EPC2: variants seen among roughly 807,000 people sequenced by gnomAD.
The protein encoded by EPC2 is enhancer of polycomb 2, also known as enhancer of polycomb homolog 2.
EPC2 carries 14 observed loss-of-function variants against 92.1 expected under a neutral mutation model. That is an observed-to-expected ratio of 0.15 (90% confidence interval 0.10 to 0.24). The LOEUF is 0.24. Ranked by LOEUF, EPC2 falls within the 10% of genes least tolerant of loss-of-function variation. EPC2 has a pLI of 1.00. For synonymous variants in EPC2, 340 were observed against 334.7 expected, an observed-to-expected ratio of 1.02 and a Z score of -0.17; for missense variants, 755 against 971.5, an observed-to-expected ratio of 0.78 and a Z score of 2.96.
At chr2:148,653,054 C>T (rs1193168865) in intron 1 of EPC2, among the ~76,000 whole-genome samples, 2 of 152,024 alleles carry the variant, frequency 1.3e-5, no homozygotes, top group African/African-American at 2.4e-5. Context: ...AGCATGTGCA[C>T]GAGAGAGAGT....
chr2:148,669,366 T>C (rs1681111649), intron 1 of EPC2, among the ~76,000 whole-genome samples: 1 of 152,170 alleles, frequency 6.6e-6, no homozygotes, highest in Non-Finnish European at 1.5e-5. Context: ...TTGAGCTTTG[T>C]TCTGGGATGC....
At chr2:148,702,570 A>G (rs986614713) in intron 2 of EPC2, among the ~76,000 whole-genome samples, 1 of 152,218 alleles carries the variant, frequency 6.6e-6, no homozygotes, top group South Asian at 2.1e-4. Flanking sequence ...TCTTTTGGGC[A>G]TATACCCAGA....
chr2:148,645,120 A>G lies in EPC2; in HGVS notation c.103A>G (p.Asn35Asp). ...MPDLNDCVSI[N>D]RAVPQMPTGM... The stretch of plus-strand genomic sequence containing the variant: ...TGATCTCAACGACTGCGTCTCCATC[A>G]ACCGGGCCGTGCCCCAGATGCCCAC... The change falls in exon 1 of 14, where the codon AAC (asparagine) becomes GAC (aspartate). Residue 35 changes from asparagine (N) to aspartate (D), a missense_variant. Coordinates refer to ENST00000258484, the MANE Select transcript of EPC2 (RefSeq NM_015630.4). 1 of 1,608,608 alleles carries G rather than the reference A, an allele frequency of 6.2e-7. No homozygotes were observed. The highest frequency in any genetic ancestry group is 8.5e-7 in the Non-Finnish European group (1 of 1,177,574).
chr2:148,650,669 C>G (rs1645062885), intron 1 of EPC2, among the ~76,000 whole-genome samples: 1 of 152,084 alleles, frequency 6.6e-6, no homozygotes, highest in Non-Finnish European at 1.5e-5. Flanking sequence ...TGAATTGATA[C>G]AGTAGGAATA....
chr2:148,781,527 ATTGTAAT>A, intron 10 of EPC2, 110 bp from the exon 11 acceptor site: 1 of 955,108 alleles, frequency 1.0e-6, no homozygotes, highest in Non-Finnish European at 1.5e-6. Flanking sequence ...GATATTCCAT[ATTGTAAT>A]TTGTAATTGC....
At chr2:148,746,495 AT>A (rs1682986389) in intron 3 of EPC2, among the ~76,000 whole-genome samples, 1 of 152,150 alleles carries the variant, frequency 6.6e-6, no homozygotes, top group Non-Finnish European at 1.5e-5. Context: ...TGACAAACCC[AT>A]GAATTGAATG....
rs992664543 is a variant in EPC2, at chr2:148,644,956, T to TCCCCC, written c.-59_-55dup. 4 of 1,392,190 alleles carry TCCCCC rather than the reference T, an allele frequency of 2.9e-6. No homozygotes were observed. Among genetic ancestry groups the TCCCCC allele is most frequent in the Non-Finnish European group, 4.0e-6 (4 of 1,012,508 alleles). 86.2% of individuals were successfully genotyped at this position (1,392,190 alleles called of 1,614,324 possible). A position where few individuals can be genotyped will look rare whatever the true frequency, so the allele number is the denominator to read the frequency against. On this transcript the variant is annotated 5_prime_UTR_variant, in exon 1 of 14. Transcript: ENST00000258484. ...GAGGTGGAGGAGGCGGCGGGAGTCCTCCCCCCCTCCCCGCCCGCCCCGCCG... is the reference window on the plus strand; with the variant it reads ...GAGGTGGAGGAGGCGGCGGGAGTCCTCCCCCCCCCCCCTCCCCGCCCGCCCCGCCG...
At chr2:148,757,396 T>A (rs750479961) in intron 4 of EPC2, among the ~76,000 whole-genome samples, 1 of 151,578 alleles carries the variant, frequency 6.6e-6, no homozygotes, top group African/African-American at 2.4e-5. Flanking sequence ...ATATATATAT[T>A]GATATAGTTA....
chr2:148,652,577 TTTA>T (rs1247642770), intron 1 of EPC2, among the ~76,000 whole-genome samples: 3 of 152,192 alleles, frequency 2.0e-5, no homozygotes, highest in Non-Finnish European at 4.4e-5. Context: ...CTGAGTGACC[TTTA>T]AAGTACCTTT....
chr2:148,680,382 C>T (rs890583295), intron 1 of EPC2, among the ~76,000 whole-genome samples: 1 of 152,164 alleles, frequency 6.6e-6, no homozygotes, highest in Non-Finnish European at 1.5e-5. Context: ...CAACAGTTCT[C>T]AATAACAGGA....
chr2:148,691,447 C>A lies in EPC2; in HGVS notation c.313+1074C>A, dbSNP rs1186440069. The A allele has an allele frequency of 7.7e-6, 11 of 1,425,770 alleles. No individual in the cohort carries two copies. The Admixed American group carries it at 1.8e-4, about 23-fold the overall frequency. The allele number at this position is 1,425,770 out of a possible 1,614,324, so 88.3% of individuals were successfully genotyped here. A position where few individuals can be genotyped will look rare whatever the true frequency, so the allele number is the denominator to read the frequency against. On this transcript the variant is annotated intron_variant, in intron 2 of 13. Transcript: ENST00000258484. ...TGGTGATTTGTATTTTTAAAGAGTT[C>A]CCTGTGTGATTCTGAAACATCACCA... is the stretch of plus-strand genomic sequence containing the variant.
intron 1 of EPC2, among the ~76,000 whole-genome samples, chr2:148,681,656 G>A (rs1359809616): frequency 6.6e-6 from 1 of 151,968 alleles, no homozygotes. Flanking sequence ...TGACCTATTA[G>A]TGGGTGCAGT....
At chr2:148,757,269 G>A (rs193133644) in intron 4 of EPC2, among the ~76,000 whole-genome samples, 54 of 152,182 alleles carry the variant, frequency 3.5e-4, no homozygotes, top group African/African-American at 1.2e-3. Context: ...CCAGCTGCTC[G>A]GGAGGCTGAG....
intron 1 of EPC2, among the ~76,000 whole-genome samples, chr2:148,680,274 T>G (rs1269204282): frequency 6.6e-6 from 1 of 152,174 alleles, no homozygotes; most frequent in Non-Finnish European, 1.5e-5. Context: ...TTTGACTAGT[T>G]GAGATTGGAC....
At chr2:148,741,981 T>C (rs929032227) in intron 2 of EPC2, among the ~76,000 whole-genome samples, 4 of 152,336 alleles carry the variant, frequency 2.6e-5, no homozygotes, top group Non-Finnish European at 5.9e-5. Context: ...ATTAGTGCGC[T>C]ATATATACTA....
At chr2:148,671,286 G>GTTTTTTTTTTT (rs369058386) in intron 1 of EPC2, among the ~76,000 whole-genome samples, 3 of 130,652 alleles carry the variant, frequency 2.3e-5, no homozygotes, top group African/African-American at 9.1e-5. Flanking sequence ...TGTGGATTGT[G>GTTTTTTTTTTT]ATTTTTTTTT....
chr2:148,742,986 A>C (rs1682907869), intron 2 of EPC2, among the ~76,000 whole-genome samples: 1 of 152,108 alleles, frequency 6.6e-6, no homozygotes. Flanking sequence ...AGAAATTTAA[A>C]AAGTTTATAT....
chr2:148,727,204 G>A (rs1228655690), intron 2 of EPC2, among the ~76,000 whole-genome samples: 1 of 152,144 alleles, frequency 6.6e-6, no homozygotes, highest in Admixed American at 6.5e-5. Context: ...TTCCCATTGT[G>A]TAGTCTTGGT....
At chr2:148,753,636 C>G (rs1169531241) in intron 3 of EPC2, among the ~76,000 whole-genome samples, 1 of 152,126 alleles carries the variant, frequency 6.6e-6, no homozygotes. Context: ...TAGTCCAAGA[C>G]TTGCCTGAGG....
Sources: allele counts gnomAD v4.1 joint callset (sites outside exome capture counted in the v4.1 genomes callset), GRCh38; gene constraint gnomAD v4.1.1; transcripts MANE v1.5; gene names NCBI Gene and HGNC (gene_info 2026-07-23, HGNC 2026-07-21).